PAXIP1: variants seen among roughly 807,000 people sequenced by gnomAD.
PAXIP1 encodes the protein PAX-interacting protein 1.
In PAXIP1, 19 loss-of-function variants were observed where a neutral mutation model predicts 140.6. The observed-to-expected ratio is 0.14, with a 90% CI of 0.09 to 0.20. PAXIP1 has a LOEUF of 0.20. Ranked by LOEUF, PAXIP1 falls within the 10% of genes least tolerant of loss-of-function variation. The probability of loss-of-function intolerance (pLI) is 1.00; values close to 1 mark genes in which losing one functional copy is unlikely to be tolerated. For missense variants in PAXIP1, 920 were observed against 1,208.6 expected (o/e 0.76, Z 3.54); for synonymous variants, 442 against 444.6 (o/e 0.99, Z 0.07).
At chr7:154,982,387 G>C (rs920912380) in intron 5 of PAXIP1, among the ~76,000 whole-genome samples, 1 of 151,774 alleles carries the variant, frequency 6.6e-6, no homozygotes, top group Non-Finnish European at 1.5e-5. Context: ...AGTCTCACTC[G>C]GTCATCCAGA....
At chr7:154,955,295 TACTA>T (rs1230547224) in intron 15 of PAXIP1, among the ~76,000 whole-genome samples, 1 of 152,200 alleles carries the variant, frequency 6.6e-6, no homozygotes, top group Non-Finnish European at 1.5e-5. Flanking sequence ...TCCTGGCCTA[TACTA>T]ATAAGAAAGC....
chr7:154,955,699 A>G, intron 14 of PAXIP1, 68 bp from the exon 15 acceptor site: 1 of 880,244 alleles, frequency 1.1e-6, no homozygotes, highest in East Asian at 2.8e-5. Flanking sequence ...TTTCTTTAGA[A>G]AACAAGGGAT....
At chr7:154,990,393 G>T (rs950433291) in intron 4 of PAXIP1, among the ~76,000 whole-genome samples, 3 of 152,180 alleles carry the variant, frequency 2.0e-5, no homozygotes, top group African/African-American at 7.2e-5. Context: ...AACGAAATGA[G>T]TATTTTAAGG....
At position 154,946,981 on chromosome 7, in the gene PAXIP1, C is replaced by G. The variant is rs1209070213; in HGVS notation, c.2923-168G>C. The G allele has an allele frequency of 3.8e-6, 2 of 523,824 alleles. No individual in the cohort carries two copies. The allele number at this position is 523,824 out of a possible 1,614,324, so 32.4% of individuals were successfully genotyped here. On this transcript the variant is annotated intron_variant, in intron 17 of 20. Coordinates refer to ENST00000404141, the MANE Select transcript of PAXIP1 (RefSeq NM_007349.4). The surrounding 1 kb of genome is among the most constrained non-coding windows in gnomAD (Gnocchi z 4.9). ...ACTCAATCTGAAGTGGAAGAGGAAT[C>G]CAGCTATGTAAATTTGGAATGTAAG...
intron 16 of PAXIP1, chr7:154,949,100 A>G (rs1344903339): frequency 6.6e-6 from 1 of 152,172 alleles, no homozygotes; most frequent in Admixed American, 6.5e-5. Flanking sequence ...CCTACCAACC[A>G]TACAGCATAA....
rs75060865 is a variant in PAXIP1, at chr7:154,982,758, G to C, written c.438+461C>G. 6.4e-4 allele frequency among the ~76,000 whole-genome samples: 98 copies of C among 152,282 alleles called. No individual in the cohort carries two copies. The East Asian group carries it at 0.016, about 25-fold the overall frequency. ...CAGCCACACCACTGCTCAAGGATGA[G>C]AGCCCTATGCTTATCAAGACAAAAG... On this transcript the variant is annotated intron_variant, in intron 5 of 20. Transcript: ENST00000404141.
rs1808410200 is a variant in PAXIP1, at chr7:154,954,248, TC to T, written c.2821+6del. On this transcript the variant is annotated splice_donor_region_variant and intron_variant, in intron 16 of 20. Coordinates refer to ENST00000404141, the MANE Select transcript of PAXIP1 (RefSeq NM_007349.4). This position sits in a 1 kb window ranked among gnomAD's most constrained non-coding sequence, Gnocchi z 5.1. ...TTAAAAGCAAAGTTACTGGCGCTGC[TC>T]CTTACCAATGAACTTCTGACACCTG... The T allele has an allele frequency of 6.6e-7, 1 of 1,516,052 alleles. No homozygotes were observed. Among genetic ancestry groups the T allele is most frequent in the Non-Finnish European group, 9.0e-7 (1 of 1,116,228 alleles). The allele number at this position is 1,516,052 out of a possible 1,614,324, so 93.9% of individuals were successfully genotyped here.
rs1390110697 is a variant in PAXIP1, at chr7:154,963,775, A to G, written c.1894-9T>C. 2 of 1,602,216 alleles carry G rather than the reference A, an allele frequency of 1.2e-6. No individual in the cohort carries two copies. The highest frequency in any genetic ancestry group is 2.7e-5 in the African/African-American group (2 of 74,706). On this transcript the variant is annotated splice_polypyrimidine_tract_variant and intron_variant, in intron 8 of 20. Transcript: ENST00000404141. This position sits in a 1 kb window ranked among gnomAD's most constrained non-coding sequence, Gnocchi z 4.1. Reference sequence around the variant, plus strand: ...CCATGTGCCTGGATTATCTACACACAAAGACCCGACCAATGCAGTCATCAA... The same window carrying G: ...CCATGTGCCTGGATTATCTACACACGAAGACCCGACCAATGCAGTCATCAA...
At chr7:154,970,018 TAGG>T (rs1186705092) in intron 6 of PAXIP1, among the ~76,000 whole-genome samples, 2 of 152,024 alleles carry the variant, frequency 1.3e-5, no homozygotes, top group African/African-American at 4.8e-5. Context: ...CGCTGAGGAG[TAGG>T]AGAAGGACGG....
intron 2 of PAXIP1, among the ~76,000 whole-genome samples, chr7:154,994,312 T>C (rs1233937104): frequency 6.6e-6 from 1 of 152,140 alleles, no homozygotes; most frequent in Non-Finnish European, 1.5e-5. Flanking sequence ...TTTTGAAAAA[T>C]TATCTTGTTT....
At chr7:154,975,170 A>C (rs1809514452) in intron 6 of PAXIP1, among the ~76,000 whole-genome samples, 1 of 151,610 alleles carries the variant, frequency 6.6e-6, no homozygotes, top group Admixed American at 6.6e-5. Context: ...AAAAAAAAAA[A>C]AAACAAAAAC....
intron 17 of PAXIP1, chr7:154,947,030 T>A: frequency 2.3e-6 from 1 of 440,832 alleles, no homozygotes; most frequent in Non-Finnish European, 4.1e-6. Flanking sequence ...TAAGTATGCC[T>A]GAAGATGATT....
intron 4 of PAXIP1, among the ~76,000 whole-genome samples, chr7:154,984,791 A>G (rs1809994280): frequency 1.3e-5 from 2 of 152,224 alleles, no homozygotes; most frequent in African/African-American, 4.8e-5. Context: ...TTAAAAATGA[A>G]ATTAAAAAAC....
chr7:154,977,993 A>AAT (rs1585067726), intron 5 of PAXIP1, among the ~76,000 whole-genome samples: 41 of 129,274 alleles, frequency 3.2e-4, no homozygotes, highest in African/African-American at 1.6e-3. Flanking sequence ...AGACCAAATT[A>AAT]GAGACTAGTG....
In PAXIP1 at chr7:154,943,695, T is replaced by A. The variant is rs1321253257; in HGVS notation, c.*454A>T. 1 of 156,548 alleles carries A rather than the reference T, an allele frequency of 6.4e-6. No individual in the cohort carries two copies. Among genetic ancestry groups the A allele is most frequent in the Non-Finnish European group, 1.4e-5 (1 of 70,814 alleles). 9.7% of individuals were successfully genotyped at this position (156,548 alleles called of 1,614,324 possible). A position where few individuals can be genotyped will look rare whatever the true frequency, so the allele number is the denominator to read the frequency against. On this transcript the variant is annotated 3_prime_UTR_variant, in exon 21 of 21. Coordinates refer to ENST00000404141, the MANE Select transcript of PAXIP1 (RefSeq NM_007349.4). ...AATAAAGGATTACTCAATTCTAAGTTCAAAAGTACATTTATTTAAAATGTG... is the reference window on the plus strand; with the variant it reads ...AATAAAGGATTACTCAATTCTAAGTACAAAAGTACATTTATTTAAAATGTG...
rs1585084984 is a variant in PAXIP1 at position 154,993,666 on chromosome 7, C to T, written c.260+60G>A. The stretch of plus-strand genomic sequence containing the variant: ...CTTTTCACTCCATTAACTATCATTT[C>T]TTTCAGTCTTAAACCCAGAGTTACC... On this transcript the variant is annotated intron_variant, in intron 3 of 20. Transcript: ENST00000404141. The T allele has an allele frequency of 1.6e-5, 20 of 1,248,978 alleles. No homozygotes were observed. In the East Asian group the frequency reaches 4.0e-4, roughly 25 times the overall value. 77.4% of individuals were successfully genotyped at this position (1,248,978 alleles called of 1,614,324 possible).
intron 4 of PAXIP1, 23 bp from the exon 5 acceptor site, chr7:154,983,355 G>C: frequency 1.7e-6 from 2 of 1,201,958 alleles, no homozygotes; most frequent in African/African-American, 3.0e-5. Flanking sequence ...TAGAAAGAAG[G>C]CTTTTACCAT....
intron 11 of PAXIP1, 47 bp from the exon 12 acceptor site, chr7:154,961,124 G>T: frequency 7.6e-7 from 1 of 1,322,658 alleles, no homozygotes; most frequent in African/African-American, 1.5e-5. Flanking sequence ...TGTTAGAGAT[G>T]TCAACTGTCC....
rs1809559770 is a variant in PAXIP1, at chr7:154,976,070, A to G, written c.700T>C (p.Phe234Leu). 1.3e-6 allele frequency: 2 copies of G among 1,585,358 alleles called. No homozygotes were observed. Among genetic ancestry groups the G allele is most frequent in the Non-Finnish European group, 1.7e-6 (2 of 1,164,128 alleles). ...QEGSPSGDQQ[F>L]SPKSNTEKSK... ...TTTTCAGTGTTGGATTTAGGTGAAA[A>G]CTGCTGGTCACCTGAAGGAGACCCT... The change falls in exon 6 of 21, where the codon TTT (phenylalanine) becomes CTT (leucine). Residue 234 changes from phenylalanine (F) to leucine (L), a missense_variant. Phe to Leu is a conservative substitution (Grantham distance 22). This residue lies in a region of PAXIP1 where 419 missense variants were observed against 514.7 expected (regional missense o/e 0.81). Coordinates refer to ENST00000404141, the MANE Select transcript of PAXIP1 (RefSeq NM_007349.4).
Sources: gnomAD v4.1 joint callset for allele counts (sites outside exome capture counted in the v4.1 genomes callset) on GRCh38, gnomAD v4.1.1 for gene constraint, gnomAD v4.1.1 regional missense constraint, Gnocchi (gnomAD v3.1) non-coding constraint, MANE v1.5 for transcripts, NCBI Gene and HGNC (gene_info 2026-07-23, HGNC 2026-07-21) for gene names.